DIP2B: variants seen among roughly 807,000 people sequenced by gnomAD.
The protein encoded by DIP2B is disco-interacting protein 2 homolog B.
In DIP2B, 76 loss-of-function variants were observed where a neutral mutation model predicts 198.0. That is an observed-to-expected ratio of 0.38 (90% CI 0.32 to 0.46). The LOEUF is 0.46. Ranked by LOEUF, DIP2B falls within the 20% of genes least tolerant of loss-of-function variation. The pLI is 0.99. For missense variants in DIP2B, 1,559 were observed against 1,978.4 expected (o/e 0.79, Z 4.02); for synonymous variants, 701 against 739.1 (o/e 0.95, Z 0.84).
At chr12:50,741,320 G>A in intron 36 of DIP2B, 96 bp from the exon 37 acceptor site, 2 of 1,462,348 alleles carry the variant, frequency 1.4e-6, no homozygotes, top group Non-Finnish European at 1.8e-6. Flanking sequence ...GGCAGAGCCA[G>A]GTGACAGGCA....
chr12:50,742,069 T>C (rs180909515), intron 37 of DIP2B, among the ~76,000 whole-genome samples: 447 of 152,220 alleles, frequency 2.9e-3, no homozygotes, highest in Non-Finnish European at 3.4e-3. Context: ...TAAAGGATCG[T>C]CCAACCACAT....
intron 12 of DIP2B, among the ~76,000 whole-genome samples, chr12:50,688,229 G>T (rs1468055820): frequency 6.6e-6 from 1 of 152,122 alleles, no homozygotes; most frequent in Non-Finnish European, 1.5e-5. Context: ...CCAGCACTTT[G>T]GAAGGCCAAA....
At chr12:50,715,262 C>A (rs1939693091) in intron 23 of DIP2B, among the ~76,000 whole-genome samples, 1 of 152,178 alleles carries the variant, frequency 6.6e-6, no homozygotes, top group Non-Finnish European at 1.5e-5. Flanking sequence ...CCCTAAAACT[C>A]AGTGCCTTGA....
intron 14 of DIP2B, among the ~76,000 whole-genome samples, chr12:50,694,979 T>C (rs1385878967): frequency 6.6e-6 from 1 of 152,162 alleles, no homozygotes; most frequent in East Asian, 1.9e-4. Context: ...AAAATACTTA[T>C]ATATTTCTAT....
intron 1 of DIP2B, among the ~76,000 whole-genome samples, chr12:50,513,653 C>G (rs1020819717): frequency 2.0e-5 from 3 of 152,140 alleles, no homozygotes; most frequent in Non-Finnish European, 4.4e-5. Flanking sequence ...GTGGGCAGAT[C>G]ACCTGAGGAC....
At chr12:50,695,747 TATC>T (rs762403922) in intron 15 of DIP2B, 98 bp from the exon 16 acceptor site, 17 of 1,501,226 alleles carry the variant, frequency 1.1e-5, no homozygotes, top group Non-Finnish European at 1.5e-5. Context: ...TCCAAGCAAA[TATC>T]ATGATTCCCC....
At chr12:50,741,886 T>G (rs774166778) in intron 37 of DIP2B, among the ~76,000 whole-genome samples, 8 of 152,208 alleles carry the variant, frequency 5.3e-5, no homozygotes, top group Non-Finnish European at 1.2e-4. Flanking sequence ...AGAACCAGCT[T>G]AAAGGCTCTC....
At chr12:50,508,747 C>G (rs1371494040) in intron 1 of DIP2B, among the ~76,000 whole-genome samples, 1 of 151,496 alleles carries the variant, frequency 6.6e-6, no homozygotes, top group Admixed American at 6.6e-5. Context: ...CTCTTGTTGC[C>G]CAGGCTGGAG....
intron 1 of DIP2B, among the ~76,000 whole-genome samples, chr12:50,588,146 TC>T (rs1394647161): frequency 1.3e-4 from 20 of 151,278 alleles, no homozygotes; most frequent in Non-Finnish European, 2.4e-4. Context: ...CTTTTTTTTT[TC>T]TTTTTCTTTT....
intron 1 of DIP2B, among the ~76,000 whole-genome samples, chr12:50,541,689 T>C (rs1281219024): frequency 6.6e-6 from 1 of 152,178 alleles, no homozygotes; most frequent in African/African-American, 2.4e-5. Flanking sequence ...ACACACACAC[T>C]ATTAAGACAA....
intron 23 of DIP2B, among the ~76,000 whole-genome samples, chr12:50,716,257 A>T (rs1413844431): frequency 6.6e-6 from 1 of 150,804 alleles, no homozygotes; most frequent in Non-Finnish European, 1.5e-5. Context: ...ATTTACTTAA[A>T]ATTGTAGTAG....
chr12:50,556,239 G>A (rs1324936262), intron 1 of DIP2B, among the ~76,000 whole-genome samples: 2 of 151,558 alleles, frequency 1.3e-5, no homozygotes, highest in Non-Finnish European at 2.9e-5. Flanking sequence ...TAGTAGAGAC[G>A]GAGTTTTACC....
At chr12:50,730,376 C>G (rs1565884717) in intron 30 of DIP2B, among the ~76,000 whole-genome samples, 2 of 110,332 alleles carry the variant, frequency 1.8e-5, no homozygotes, top group African/African-American at 5.1e-5. Context: ...TTCTTTCTCT[C>G]TCTCTCTTTT....
chr12:50,599,944 C>A (rs1337658306), intron 1 of DIP2B, among the ~76,000 whole-genome samples: 3 of 152,180 alleles, frequency 2.0e-5, no homozygotes, highest in Non-Finnish European at 4.4e-5. Context: ...CTAAGGACAT[C>A]CGTATTTATA....
chr12:50,647,212 G>A (rs1012519902), intron 3 of DIP2B, among the ~76,000 whole-genome samples: 1 of 151,996 alleles, frequency 6.6e-6, no homozygotes, highest in Non-Finnish European at 1.5e-5. Context: ...GTCATGCCTG[G>A]ATGATTTTTG....
rs1302980380 is a variant in DIP2B, at chr12:50,739,542, A to G, written c.4310A>G (p.Tyr1437Cys). 1 of 1,614,108 alleles carries G rather than the reference A, an allele frequency of 6.2e-7. No individual in the cohort carries two copies. The highest frequency in any genetic ancestry group is 8.5e-7 in the Non-Finnish European group (1 of 1,179,994). Residue 1437 changes from tyrosine to cysteine, a missense_variant, in exon 36 of 38, where the codon TAC becomes TGC. Transcript: ENST00000301180. ...AAQTLWARTGYLGFVRRTELT... is the reference protein window; with the variant it reads ...AAQTLWARTGCLGFVRRTELT... ...CAGACACTCTGGGCTCGGACAGGAT[A>G]CCTTGGTTTTGTCCGCCGGACCGAG...
At chr12:50,744,512 A>G in intron 37 of DIP2B, 75 bp from the exon 38 acceptor site, 1 of 1,577,704 alleles carries the variant, frequency 6.3e-7, no homozygotes. Flanking sequence ...GAAATGGGCT[A>G]AGTCTGGGAC....
At chr12:50,627,390 G>A (rs1381971139) in intron 2 of DIP2B, among the ~76,000 whole-genome samples, 2 of 152,154 alleles carry the variant, frequency 1.3e-5, no homozygotes, top group African/African-American at 4.8e-5. Flanking sequence ...CGGGAGCGCA[G>A]TGGTGCGATC....
intron 1 of DIP2B, among the ~76,000 whole-genome samples, chr12:50,570,164 A>G (rs1958600516): frequency 6.6e-6 from 1 of 152,140 alleles, no homozygotes; most frequent in South Asian, 2.1e-4. Context: ...AAGTTCTCCG[A>G]TTTTTCCTTT....
Sources: allele counts gnomAD v4.1 joint callset (sites outside exome capture counted in the v4.1 genomes callset), GRCh38; gene constraint gnomAD v4.1.1; transcripts MANE v1.5; gene names NCBI Gene and HGNC (gene_info 2026-07-23, HGNC 2026-07-21).